The following CACNG4 variants were observed in gnomAD, a reference collection of about 807,000 sequenced individuals.
CACNG4 encodes the protein voltage-dependent calcium channel gamma-4 subunit.
A neutral mutation model predicts 22.9 loss-of-function variants in CACNG4; 8 were observed. The observed-to-expected ratio is 0.35, with a 90% CI of 0.21 to 0.63. The LOEUF is 0.63. Ranked by LOEUF, CACNG4 falls within the 30% of genes least tolerant of loss-of-function variation. The pLI is 0.72. For synonymous variants in CACNG4, 188 were observed against 191.9 expected (o/e 0.98, Z 0.17); for missense variants, 357 against 455.4 (o/e 0.78, Z 1.97).
At chr17:66,965,183 C>CACACACACACAT in intron 1 of CACNG4, 52 bp downstream of exon 1, 1 of 1,049,510 alleles carries the variant, frequency 9.5e-7, no homozygotes, top group East Asian at 3.1e-5. Context: ...CACACACACA[C>CACACACACACAT]ACATATACAC....
At chr17:67,004,645 G>A (rs893237637) in intron 1 of CACNG4, among the ~76,000 whole-genome samples, 1 of 152,204 alleles carries the variant, frequency 6.6e-6, no homozygotes, top group East Asian at 1.9e-4. Context: ...CCCTCCCCCA[G>A]TGAAGGTACA....
chr17:66,967,241 G>C (rs2035176225), intron 1 of CACNG4, among the ~76,000 whole-genome samples: 1 of 152,208 alleles, frequency 6.6e-6, no homozygotes, highest in South Asian at 2.1e-4. Context: ...CTGGGCAGCT[G>C]GCTCCACTAG....
At chr17:66,969,507 G>T (rs544160498) in intron 1 of CACNG4, among the ~76,000 whole-genome samples, 15 of 152,326 alleles carry the variant, frequency 9.8e-5, no homozygotes, top group Middle Eastern at 3.4e-3. Flanking sequence ...TGGAACCTGA[G>T]AGTGAAGGAG....
intron 3 of CACNG4, among the ~76,000 whole-genome samples, chr17:67,028,434 T>G (rs2035581402): frequency 6.6e-6 from 1 of 151,914 alleles, no homozygotes; most frequent in Non-Finnish European, 1.5e-5. Context: ...GTGCCTGTAG[T>G]CCCAGCTACT....
intron 1 of CACNG4, among the ~76,000 whole-genome samples, chr17:66,987,564 A>G (rs2035312303): frequency 6.6e-6 from 1 of 152,164 alleles, no homozygotes; most frequent in Admixed American, 6.5e-5. Context: ...GAGAAGCATC[A>G]GGCACTGAGA....
intron 1 of CACNG4, among the ~76,000 whole-genome samples, 177 bp from the exon 2 acceptor site, chr17:67,018,012 T>C (rs567814144): frequency 1.3e-5 from 2 of 152,136 alleles, no homozygotes; most frequent in South Asian, 2.1e-4. Flanking sequence ...GGTGTAGCCA[T>C]TCTCTGTGTG....
rs78725319 is a variant in CACNG4 at position 67,004,358 on chromosome 17, A to G, written c.221-13831A>G. ...GGAAAATCCTGGCCCTCTCTGGAACAAAGTGTTGGAGGAGGCGTGAGGCTG... is the reference window on the plus strand; with the variant it reads ...GGAAAATCCTGGCCCTCTCTGGAACGAAGTGTTGGAGGAGGCGTGAGGCTG... On this transcript the variant is annotated intron_variant, in intron 1 of 3. Transcript: ENST00000262138. Among the ~76,000 whole-genome samples the G allele has an allele frequency of 9.6e-3, 1,461 of 152,280 alleles. 24 individuals are homozygous for G. The highest frequency in any genetic ancestry group is 0.033 in the African/African-American group (1,362 of 41,554).
rs199714376 is a variant in CACNG4 at position 67,030,436 on chromosome 17, C to T, written c.446-30C>T. ...ACCTCTGCCTCTCTCCCTCCCTGGC[C>T]CCGCTCCCCGCTCCCCGCTTCCCTT... On this transcript the variant is annotated intron_variant, in intron 3 of 3. Transcript: ENST00000262138. This position sits in a 1 kb window ranked among gnomAD's most constrained non-coding sequence, Gnocchi z 6.4. 8.1e-6 allele frequency: 13 copies of T among 1,603,208 alleles called. No homozygotes were observed. The highest frequency in any genetic ancestry group is 1.1e-5 in the Non-Finnish European group (13 of 1,172,864).
intron 1 of CACNG4, among the ~76,000 whole-genome samples, chr17:66,977,444 C>T (rs1226367633): frequency 2.0e-5 from 3 of 152,074 alleles, no homozygotes; most frequent in Non-Finnish European, 4.4e-5. Flanking sequence ...GGTGGGGGAT[C>T]GATGAGACCT....
At chr17:67,008,746 G>C (rs1402769267) in intron 1 of CACNG4, among the ~76,000 whole-genome samples, 3 of 152,084 alleles carry the variant, frequency 2.0e-5, no homozygotes, top group Non-Finnish European at 2.9e-5. Context: ...TCAGGAGTTC[G>C]ACACCAGCCT....
intron 1 of CACNG4, among the ~76,000 whole-genome samples, chr17:67,005,577 G>T (rs1317486581): frequency 6.6e-6 from 1 of 152,184 alleles, no homozygotes; most frequent in Non-Finnish European, 1.5e-5. Context: ...GGTAGAAATG[G>T]ATTCTCTCCA....
intron 1 of CACNG4, among the ~76,000 whole-genome samples, chr17:66,981,936 T>TA (rs996824559): frequency 1.2e-3 from 185 of 152,100 alleles, no homozygotes; most frequent in African/African-American, 3.8e-3. Flanking sequence ...CTAACTCTTA[T>TA]AAAAAAAAAT....
At chr17:67,023,366 C>G (rs959105589) in intron 2 of CACNG4, among the ~76,000 whole-genome samples, 4 of 148,452 alleles carry the variant, frequency 2.7e-5, no homozygotes, top group Non-Finnish European at 4.5e-5. Flanking sequence ...AGCTCCGCCT[C>G]CCGGGTTCAC....
chr17:66,974,035 CTGTT>C (rs2035221089), intron 1 of CACNG4, among the ~76,000 whole-genome samples: 1 of 152,176 alleles, frequency 6.6e-6, no homozygotes, highest in African/African-American at 2.4e-5. Context: ...CGTGATTTTA[CTGTT>C]TGTTTACTTC....
chr17:66,978,293 T>C (rs1173706489), intron 1 of CACNG4, among the ~76,000 whole-genome samples: 1 of 152,154 alleles, frequency 6.6e-6, no homozygotes. Context: ...CGCGATAAAG[T>C]ATCTAAGTGC....
chr17:67,007,814 A>G (rs1008798834), intron 1 of CACNG4, among the ~76,000 whole-genome samples: 16 of 152,172 alleles, frequency 1.1e-4, no homozygotes, highest in African/African-American at 3.6e-4. Context: ...TAACAGTCCA[A>G]ATGGGTGGCC....
intron 1 of CACNG4, among the ~76,000 whole-genome samples, chr17:66,983,644 C>T (rs1266128635): frequency 6.6e-6 from 1 of 152,154 alleles, no homozygotes; most frequent in Admixed American, 6.5e-5. Flanking sequence ...AGACTGAGGG[C>T]GGCTCTTCAG....
At chr17:67,006,185 G>T (rs1345819856) in intron 1 of CACNG4, among the ~76,000 whole-genome samples, 3 of 152,192 alleles carry the variant, frequency 2.0e-5, no homozygotes, top group Non-Finnish European at 4.4e-5. Flanking sequence ...AGGCAGCCAG[G>T]CTCCTCTGGG....
At chr17:66,991,740 A>G (rs2035341696) in intron 1 of CACNG4, among the ~76,000 whole-genome samples, 1 of 152,170 alleles carries the variant, frequency 6.6e-6, no homozygotes, top group South Asian at 2.1e-4. Flanking sequence ...ATTCTCTGAT[A>G]TGTGACCCAC....
Sources: gnomAD v4.1 joint callset for allele counts (sites outside exome capture counted in the v4.1 genomes callset) on GRCh38, gnomAD v4.1.1 for gene constraint, Gnocchi (gnomAD v3.1) non-coding constraint, MANE v1.5 for transcripts, NCBI Gene and HGNC (gene_info 2026-07-23, HGNC 2026-07-21) for gene names.